Variants in UNC13B observed in about 807,000 individuals in gnomAD.
UNC13B encodes the protein unc-13 homolog B.
Under a neutral mutation model 211.0 loss-of-function variants are expected in UNC13B, and 144 were observed. The observed-to-expected ratio is 0.68, with a 90% confidence interval of 0.60 to 0.78. The LOEUF (loss-of-function observed/expected upper bound fraction) is 0.78. Ranked by LOEUF, UNC13B falls within the 30% of genes least tolerant of loss-of-function variation. The pLI, the probability that UNC13B is intolerant of heterozygous loss-of-function variation, is 0.00. For synonymous variants in UNC13B, 709 were observed against 725.8 expected, an observed-to-expected ratio of 0.98 and a Z score of 0.37; for missense variants, 1,777 against 2,002.0, an observed-to-expected ratio of 0.89 and a Z score of 2.14.
At chr9:35,328,666 C>CCTTCCTT (rs1831183795) in intron 11 of UNC13B, among the ~76,000 whole-genome samples, 1 of 76,400 alleles carries the variant, frequency 1.3e-5, no homozygotes, top group African/African-American at 7.2e-5. Flanking sequence ...CTTCCTTCCT[C>CCTTCCTT]CCTCCCTTCC....
intron 1 of UNC13B, among the ~76,000 whole-genome samples, chr9:35,223,962 A>G (rs998516331): frequency 6.6e-6 from 1 of 152,146 alleles, no homozygotes; most frequent in African/African-American, 2.4e-5. Flanking sequence ...TTGGCTGTAA[A>G]TACATGGATT....
chr9:35,266,992 G>GT (rs1459179121), intron 7 of UNC13B, among the ~76,000 whole-genome samples: 1 of 152,170 alleles, frequency 6.6e-6, no homozygotes, highest in Non-Finnish European at 1.5e-5. Context: ...AGGGAGCAGA[G>GT]TTTCACCTGA....
chr9:35,200,505 T>C (rs1823218626), intron 1 of UNC13B, among the ~76,000 whole-genome samples: 1 of 152,210 alleles, frequency 6.6e-6, no homozygotes, highest in Non-Finnish European at 1.5e-5. Flanking sequence ...TCCTCTTTTA[T>C]TTTGTTGAGC....
intron 7 of UNC13B, among the ~76,000 whole-genome samples, chr9:35,281,031 C>T (rs1009192697): frequency 3.3e-5 from 5 of 152,066 alleles, no homozygotes; most frequent in Admixed American, 2.6e-4. Context: ...GGGTGGATCA[C>T]GAGGTCAGGA....
At chr9:35,376,270 G>A in intron 15 of UNC13B, 23 bp downstream of exon 15, 1 of 1,608,884 alleles carries the variant, frequency 6.2e-7, no homozygotes, top group South Asian at 1.1e-5. Context: ...CGGGATGAGG[G>A]GCGGGGAGTG....
In UNC13B at chr9:35,269,864, C is replaced by T. The variant is rs79453697; in HGVS notation, c.526+10814C>T. On this transcript the variant is annotated intron_variant, in intron 7 of 39. Transcript: ENST00000635942. ...AGAGCTTTCCTTCTTCGCATACCCCCACCCCTCTTTTAAAATGAGTATCAC... is the reference window on the plus strand; with the variant it reads ...AGAGCTTTCCTTCTTCGCATACCCCTACCCCTCTTTTAAAATGAGTATCAC... Among the ~76,000 whole-genome samples the T allele has an allele frequency of 9.1e-3, 1,390 of 152,218 alleles. 13 individuals are homozygous for T. Among genetic ancestry groups the T allele is most frequent in the African/African-American group, 0.032 (1,317 of 41,528 alleles).
chr9:35,250,303 T>C (rs930575115), intron 6 of UNC13B, among the ~76,000 whole-genome samples: 2 of 152,156 alleles, frequency 1.3e-5, no homozygotes, highest in Non-Finnish European at 2.9e-5. Context: ...AAAGAAACCC[T>C]GTGCCCTTAG....
chr9:35,384,770 C>G lies in UNC13B; in HGVS notation c.10875+456C>G, dbSNP rs750041861. On this transcript the variant is annotated intron_variant, in intron 22 of 39. Coordinates refer to ENST00000635942, the MANE Select transcript of UNC13B (RefSeq NM_001371189.2). The stretch of plus-strand genomic sequence containing the variant: ...AAGTAATCTGTATCAGAGAGCATGT[C>G]CATTCCTAGTATAAAGGGAGGAAAT... 115 of 965,604 alleles carry G rather than the reference C, an allele frequency of 1.2e-4. No individual in the cohort carries two copies. The Middle Eastern group carries it at 6.9e-3, about 58-fold the overall frequency. 59.8% of individuals were successfully genotyped at this position (965,604 alleles called of 1,614,324 possible).
At chr9:35,325,962 T>C (rs985595471) in intron 11 of UNC13B, among the ~76,000 whole-genome samples, 1 of 152,230 alleles carries the variant, frequency 6.6e-6, no homozygotes, top group Admixed American at 6.5e-5. Flanking sequence ...TGTGTGAACA[T>C]AAGTTTTCAG....
At chr9:35,176,025 CAAAAAA>C (rs10608620) in intron 1 of UNC13B, among the ~76,000 whole-genome samples, 3 of 96,188 alleles carry the variant, frequency 3.1e-5, no homozygotes, top group Non-Finnish European at 2.1e-5. Context: ...GACTCTGTCT[CAAAAAA>C]AAAAAAAAAA....
chr9:35,352,223 A>G (rs1440926451), intron 11 of UNC13B: 10 of 1,232,040 alleles, frequency 8.1e-6, no homozygotes, highest in Non-Finnish European at 1.0e-5. Context: ...AGATGGAGAA[A>G]ATACTATGGA....
At chr9:35,314,335 G>T (rs576231375) in intron 11 of UNC13B, among the ~76,000 whole-genome samples, 1 of 152,076 alleles carries the variant, frequency 6.6e-6, no homozygotes, top group Non-Finnish European at 1.5e-5. Context: ...TTACCTAGCC[G>T]GTCCATACTG....
chr9:35,297,850 C>T (rs1299233895), intron 8 of UNC13B, among the ~76,000 whole-genome samples: 2 of 151,906 alleles, frequency 1.3e-5, no homozygotes, highest in African/African-American at 4.8e-5. Context: ...CGCCCGGCCC[C>T]TACTTTGTCT....
intron 7 of UNC13B, 30 bp from the exon 8 acceptor site, chr9:35,295,666 G>T (rs772637215): frequency 1.3e-6 from 2 of 1,592,068 alleles, no homozygotes; most frequent in African/African-American, 1.3e-5. Context: ...TAAAGCTGGG[G>T]TGCTTTGATT....
intron 6 of UNC13B, among the ~76,000 whole-genome samples, chr9:35,254,038 A>G (rs1040899303): frequency 2.0e-5 from 3 of 152,172 alleles, no homozygotes; most frequent in Non-Finnish European, 4.4e-5. Context: ...GGTGAGATTT[A>G]TTCATTTATT....
At chr9:35,396,715 C>A in intron 27 of UNC13B, 113 bp downstream of exon 27, 1 of 1,595,602 alleles carries the variant, frequency 6.3e-7, no homozygotes, top group South Asian at 1.1e-5. Flanking sequence ...TCAGGTACCA[C>A]CGTAGACAAA....
chr9:35,217,325 A>C (rs1824302058), intron 1 of UNC13B, among the ~76,000 whole-genome samples: 2 of 152,152 alleles, frequency 1.3e-5, no homozygotes, highest in South Asian at 4.1e-4. Flanking sequence ...TGATTTATTA[A>C]AAGTATTTTC....
At chr9:35,294,877 A>G (rs181178537) in intron 7 of UNC13B, among the ~76,000 whole-genome samples, 393 of 152,336 alleles carry the variant, frequency 2.6e-3, no homozygotes, top group Non-Finnish European at 3.4e-3. Flanking sequence ...TAACTTTAAC[A>G]AAAAAACTGT....
intron 24 of UNC13B, among the ~76,000 whole-genome samples, chr9:35,387,302 G>A (rs760870967): frequency 6.0e-4 from 92 of 152,178 alleles, no homozygotes; most frequent in Non-Finnish European, 1.2e-3. Context: ...AAATGTCTTG[G>A]ACATTTATCT....
Sources: gnomAD v4.1 joint callset for allele counts (sites outside exome capture counted in the v4.1 genomes callset) on GRCh38, gnomAD v4.1.1 for gene constraint, MANE v1.5 for transcripts, NCBI Gene and HGNC (gene_info 2026-07-23, HGNC 2026-07-21) for gene names.